IL9R: variants seen among roughly 807,000 people sequenced by gnomAD.
The protein encoded by IL9R is interleukin-9 receptor.
IL9R carries 54 observed loss-of-function variants against 56.3 expected under a neutral mutation model. The ratio of observed to expected loss-of-function variants is 0.96; its 90% CI spans 0.77 to 1.20. The LOEUF is 1.20. IL9R is among the 50% of genes most tolerant of loss of function. IL9R has a pLI of 0.00. For missense variants in IL9R, 545 were observed against 629.8 expected (o/e 0.87, Z 1.44); for synonymous variants, 212 against 250.2 (o/e 0.85, Z 1.44).
At position 156,002,943 on chromosome X, in the gene IL9R, G is replaced by T. The variant is rs1425899656; in HGVS notation, c.66G>T (p.Met22Ile). The T allele has an allele frequency of 6.2e-7, 1 of 1,613,922 alleles. No individual in the cohort carries two copies. The highest frequency in any genetic ancestry group is 8.5e-7 in the Non-Finnish European group (1 of 1,179,836). ...AGAGTGAGGCCCTGAGGCGAGACAT[G>T]GGCACCTGGCTCCTGGCCTGCATCT... ...TLESEALRRD[M>I]GTWLLACICI... Residue 22 changes from methionine (M) to isoleucine (I), a missense_variant, in exon 2 of 9, where the codon ATG (methionine) becomes ATT (isoleucine). Met to Ile is a conservative substitution (Grantham distance 10, BLOSUM62 1). Coordinates refer to ENST00000244174, the MANE Select transcript of IL9R (RefSeq NM_002186.3).
rs772005040 is a variant in IL9R, at chrX:156,005,484, G to A, written c.781+5G>A. 6.8e-6 allele frequency: 11 copies of A among 1,611,266 alleles called. No individual in the cohort carries two copies. Among genetic ancestry groups the A allele is most frequent in the African/African-American group, 1.3e-5 (1 of 74,966 alleles). Reference sequence around the variant, plus strand: ...TCCAGGCTCCCCAGAGACAAGGTGGGCACTGCTGTGGCTGCTGCACTTCCA... The same window carrying A: ...TCCAGGCTCCCCAGAGACAAGGTGGACACTGCTGTGGCTGCTGCACTTCCA... On this transcript the variant is annotated splice_donor_5th_base_variant and intron_variant, in intron 6 of 8. Coordinates refer to ENST00000244174, the MANE Select transcript of IL9R (RefSeq NM_002186.3).
intron 7 of IL9R, among the ~76,000 whole-genome samples, 170 bp from the exon 8 acceptor site, chrX:156,007,353 C>G (rs1193008512): frequency 6.6e-6 from 1 of 150,690 alleles, no homozygotes; most frequent in Non-Finnish European, 1.5e-5. Context: ...GCAAGGAGGC[C>G]CAGTTGGGTC....
chrX:156,002,741 TG>T, intron 1 of IL9R, 164 bp from the exon 2 acceptor site: 1 of 961,588 alleles, frequency 1.0e-6, no homozygotes, highest in East Asian at 2.4e-5. Context: ...CAGTAAAGCC[TG>T]GACAGTGGTC....
chrX:155,998,725 G>C (rs733878), intron 1 of IL9R, among the ~76,000 whole-genome samples: 3,172 of 152,000 alleles, frequency 0.021, 122 homozygotes, highest in African/African-American at 0.073. Context: ...GTGGGGCGGG[G>C]GTTGGAAAAC....
chrX:156,012,061 A>G (rs2068453974), downstream of IL9R, among the ~76,000 whole-genome samples: 1 of 76,168 alleles, frequency 1.3e-5, no homozygotes, highest in Non-Finnish European at 2.1e-5. Flanking sequence ...GTGCAATGGC[A>G]CAATCTCGGC....
chrX:156,007,487 C>G (rs1264781799), intron 7 of IL9R, 36 bp from the exon 8 acceptor site: 7 of 917,272 alleles, frequency 7.6e-6, no homozygotes, highest in African/African-American at 1.8e-5. Flanking sequence ...CCACCTGGGT[C>G]GCCATAGGCC....
intron 8 of IL9R, among the ~76,000 whole-genome samples, chrX:156,009,241 G>GTGTGTGTGTGTGTGT (rs1377556588): frequency 1.5e-4 from 4 of 26,688 alleles, no homozygotes; most frequent in Admixed American, 2.9e-4. Context: ...GTGTTCGTGT[G>GTGTGTGTGTGTGTGT]GTGTGTGTGT....
At chrX:156,001,507 G>A in intron 1 of IL9R, 1 of 1,597,936 alleles carries the variant, frequency 6.3e-7, no homozygotes, top group Non-Finnish European at 8.6e-7. Context: ...TTCTAGGAAA[G>A]GGTGAGGCTT....
intron 5 of IL9R, 120 bp downstream of exon 5, chrX:156,004,685 C>T (rs373092589): frequency 6.9e-5 from 71 of 1,022,614 alleles, no homozygotes; most frequent in East Asian, 1.3e-4. Flanking sequence ...GGAACTAGAG[C>T]GGGGTGTGTG....
rs1335389346 is a variant in IL9R, at chrX:156,008,867, GTC to G, written c.973-947_973-946del. On this transcript the variant is annotated intron_variant, in intron 8 of 8. Coordinates refer to ENST00000244174, the MANE Select transcript of IL9R (RefSeq NM_002186.3). ...AGTCCTGACAGCGATTCGTGTGTGT[GTC>G]TGTGTGTGTGTGTGTGTGTGTTTAT... is the stretch of plus-strand genomic sequence containing the variant. Among the ~76,000 whole-genome samples the G allele has an allele frequency of 1.1e-3, 171 of 150,852 alleles. No homozygotes were observed. In the South Asian group the frequency reaches 0.036, roughly 32 times the overall value.
chrX:156,007,352 C>T (rs1473656757), intron 7 of IL9R, among the ~76,000 whole-genome samples, 171 bp from the exon 8 acceptor site: 9 of 150,754 alleles, frequency 6.0e-5, no homozygotes, highest in Non-Finnish European at 8.8e-5. Context: ...GGCAAGGAGG[C>T]CCAGTTGGGT....
chrX:156,009,381 GTGTT>G (rs1403847047), intron 8 of IL9R, among the ~76,000 whole-genome samples: 14 of 149,724 alleles, frequency 9.4e-5, no homozygotes, highest in Admixed American at 1.3e-4. Flanking sequence ...GTATCTGTGT[GTGTT>G]TGTGTGTGTG....
chrX:156,004,609 A>T (rs758160246), intron 5 of IL9R, 44 bp downstream of exon 5: 1 of 1,600,800 alleles, frequency 6.2e-7, no homozygotes, highest in Non-Finnish European at 8.5e-7. Flanking sequence ...TCTCCTGGGA[A>T]CAGCAGTCCA....
At chrX:156,003,915 G>A in intron 4 of IL9R, 60 bp downstream of exon 4, 1 of 1,572,138 alleles carries the variant, frequency 6.4e-7, no homozygotes, top group South Asian at 1.1e-5. Flanking sequence ...TGGCTGCTTG[G>A]GGGTTTGGAG....
At chrX:156,000,696 G>A (rs1363587407) in intron 1 of IL9R, among the ~76,000 whole-genome samples, 2 of 152,200 alleles carry the variant, frequency 1.3e-5, no homozygotes, top group Non-Finnish European at 2.9e-5. Flanking sequence ...GAGTAAGGGT[G>A]TATGCATCTG....
At chrX:156,009,697 T>C in intron 8 of IL9R, 119 bp from the exon 9 acceptor site, 1 of 531,844 alleles carries the variant, frequency 1.9e-6, no homozygotes. Flanking sequence ...GGTGTGGACC[T>C]CAGGAGGGCT....
In IL9R at chrX:156,003,628, T is replaced by C. The variant is rs757117393; in HGVS notation, c.255-49T>C. 23 of 1,611,624 alleles carry C rather than the reference T, an allele frequency of 1.4e-5. No homozygotes were observed. The East Asian group carries it at 4.2e-4, about 30-fold the overall frequency. On this transcript the variant is annotated intron_variant, in intron 3 of 8. Coordinates refer to ENST00000244174, the MANE Select transcript of IL9R (RefSeq NM_002186.3). ...GAGTTCCCCAGGATTGAAGCAGCTA[T>C]GCCAGGACAGTGTAGCAGCCCCGTG...
In IL9R at chrX:156,004,507, C is replaced by A. The variant is rs138713294; in HGVS notation, c.521C>A (p.Pro174Gln). ...TGGAGCATCAGTCCTGCCTTGGAGCCAATGACCACACTTCTCAGCTATGAG... is the reference window on the plus strand; with the variant it reads ...TGGAGCATCAGTCCTGCCTTGGAGCAAATGACCACACTTCTCAGCTATGAG... The part of the protein sequence containing the change: ...LTWSISPALE[P>Q]MTTLLSYELA... Residue 174 changes from proline to glutamine, a missense_variant, in exon 5 of 9, where the codon CCA (proline) becomes CAA (glutamine). Pro to Gln is a moderately conservative substitution (Grantham distance 76). Around this residue, in one of 2 missense-constraint regions of IL9R, gnomAD observed 431 missense variants for 360.0 expected, o/e 1.20. Coordinates refer to ENST00000244174, the MANE Select transcript of IL9R (RefSeq NM_002186.3). The A allele has an allele frequency of 2.7e-5, 43 of 1,613,558 alleles. No homozygotes were observed. The highest frequency in any genetic ancestry group is 2.1e-5 in the Non-Finnish European group (25 of 1,179,860).
At chrX:156,009,138 T>TG in intron 8 of IL9R, among the ~76,000 whole-genome samples, 1 of 116,210 alleles carries the variant, frequency 8.6e-6, no homozygotes, top group South Asian at 3.5e-4. Context: ...TGTGTGTGTG[T>TG]TTGTGTGTGT....
Sources: allele counts gnomAD v4.1 joint callset (sites outside exome capture counted in the v4.1 genomes callset), GRCh38; gene constraint gnomAD v4.1.1; regional missense constraint gnomAD v4.1.1; transcripts MANE v1.5; gene names NCBI Gene and HGNC (gene_info 2026-07-23, HGNC 2026-07-21).